Variants in SYK observed in about 807,000 individuals in gnomAD.
The protein encoded by SYK is spleen associated tyrosine kinase.
In SYK, 16 loss-of-function variants were observed where a neutral mutation model predicts 77.8. The ratio of observed to expected loss-of-function variants is 0.21; its 90% confidence interval spans 0.14 to 0.31. SYK has a LOEUF of 0.31. SYK is among the 10% of genes least tolerant of loss of function. The probability of loss-of-function intolerance (pLI) is 1.00; values close to 1 mark genes in which losing one functional copy is unlikely to be tolerated. For missense variants in SYK, 529 were observed against 814.4 expected, an observed-to-expected ratio of 0.65 and a Z score of 4.26; for synonymous variants, 312 against 308.7, an observed-to-expected ratio of 1.01 and a Z score of -0.11.
chr9:90,884,278 C>CACATATAT (rs1409970220), intron 11 of SYK, among the ~76,000 whole-genome samples: 18 of 118,518 alleles, frequency 1.5e-4, no homozygotes, highest in African/African-American at 5.3e-4. Context: ...TGTATATATA[C>CACATATAT]ACACATATAC....
intron 3 of SYK, among the ~76,000 whole-genome samples, chr9:90,855,423 C>G (rs1391039777): frequency 6.6e-6 from 1 of 152,080 alleles, no homozygotes; most frequent in African/African-American, 2.4e-5. Context: ...CAGGCTGGGT[C>G]CCACCCAGGG....
At chr9:90,867,036 A>T (rs1453287825) in intron 6 of SYK, 95 bp from the exon 7 acceptor site, 2 of 1,403,770 alleles carry the variant, frequency 1.4e-6, no homozygotes, top group African/African-American at 2.8e-5. Context: ...TAGTGGTGCG[A>T]TTATAGAAGC....
intron 1 of SYK, among the ~76,000 whole-genome samples, chr9:90,839,307 A>T (rs543907698): frequency 3.0e-4 from 45 of 152,292 alleles, no homozygotes; most frequent in Middle Eastern, 6.8e-3. Flanking sequence ...CACCACCAAC[A>T]TACCCAGGTC....
At chr9:90,827,504 T>C (rs914186900) in intron 1 of SYK, 2 of 152,232 alleles carry the variant, frequency 1.3e-5, no homozygotes, top group African/African-American at 4.8e-5. Flanking sequence ...CAGATTTGTG[T>C]GCTTCTTCCC....
chr9:90,851,166 C>A (rs149137221), intron 3 of SYK, among the ~76,000 whole-genome samples: 1 of 152,286 alleles, frequency 6.6e-6, no homozygotes, highest in East Asian at 1.9e-4. Context: ...GCAGAAACAG[C>A]AGCCAGCAAC....
At chr9:90,875,248 T>C (rs999082400) in intron 9 of SYK, among the ~76,000 whole-genome samples, 1 of 150,334 alleles carries the variant, frequency 6.7e-6, no homozygotes. Flanking sequence ...AAAAAATAAA[T>C]AAATAAATAA....
At chr9:90,862,629 T>C (rs1827322184) in intron 4 of SYK, among the ~76,000 whole-genome samples, 1 of 152,206 alleles carries the variant, frequency 6.6e-6, no homozygotes, top group Admixed American at 6.5e-5. Flanking sequence ...TTCCATGGCT[T>C]GTTCAGGGCC....
chr9:90,807,798 C>G (rs1048529848), intron 1 of SYK, among the ~76,000 whole-genome samples: 15 of 152,212 alleles, frequency 9.9e-5, no homozygotes, highest in Non-Finnish European at 2.2e-4. Flanking sequence ...AAAAGCCCTT[C>G]TTAACCTCCA....
At chr9:90,801,697 G>C (rs1002510149), upstream of SYK, 1 of 152,254 alleles carries the variant, frequency 6.6e-6, no homozygotes, top group African/African-American at 2.4e-5. Context: ...TCATGGGCGC[G>C]GTCAGCAGGG....
At chr9:90,885,517 C>G (rs1235455266) in intron 11 of SYK, among the ~76,000 whole-genome samples, 1 of 152,114 alleles carries the variant, frequency 6.6e-6, no homozygotes, top group African/African-American at 2.4e-5. Context: ...AATGAGCAAA[C>G]CCTTCATGAT....
chr9:90,894,326 C>G (rs754647687), intron 13 of SYK, among the ~76,000 whole-genome samples: 32 of 152,168 alleles, frequency 2.1e-4, no homozygotes, highest in Non-Finnish European at 4.0e-4. Flanking sequence ...GAGACAAAGC[C>G]CCTCTCAGTG....
At chr9:90,830,521 A>G (rs1273374623) in intron 1 of SYK, among the ~76,000 whole-genome samples, 1 of 151,282 alleles carries the variant, frequency 6.6e-6, no homozygotes, top group African/African-American at 2.4e-5. Context: ...TCTGTAATTA[A>G]TCAGCCAGTC....
intron 8 of SYK, 41 bp from the exon 9 acceptor site, chr9:90,874,631 G>T (rs367934241): frequency 1.1e-5 from 17 of 1,576,758 alleles, no homozygotes; most frequent in Admixed American, 3.7e-5. Context: ...TCCTGGTGTG[G>T]GGTCCAGCCC....
At chr9:90,867,533 T>C (rs1317815231) in intron 7 of SYK, among the ~76,000 whole-genome samples, 1 of 152,226 alleles carries the variant, frequency 6.6e-6, no homozygotes, top group African/African-American at 2.4e-5. Context: ...GATGGCCCAC[T>C]TACTTTTTGG....
rs2118628381 is a variant in SYK, at chr9:90,843,923, A to G, written c.25A>G (p.Ser9Gly). The G allele has an allele frequency of 6.4e-7, 1 of 1,550,620 alleles. No individual in the cohort carries two copies. The highest frequency in any genetic ancestry group is 8.7e-7 in the Non-Finnish European group (1 of 1,146,794). MASSGMAD[S>G]ANHLPFFFGN... is the part of the protein sequence containing the mutation. Reference sequence around the variant, plus strand: ...CATGGCCAGCAGCGGCATGGCTGACAGCGCCAACCACCTGCCCTTCTTTTT... The same window carrying G: ...CATGGCCAGCAGCGGCATGGCTGACGGCGCCAACCACCTGCCCTTCTTTTT... Residue 9 changes from serine (S) to glycine (G), a missense_variant, in exon 2 of 14, where the codon AGC becomes GGC. Transcript: ENST00000375754.
intron 11 of SYK, among the ~76,000 whole-genome samples, chr9:90,884,335 A>C (rs1009629002): frequency 6.7e-6 from 1 of 150,278 alleles, no homozygotes; most frequent in African/African-American, 2.4e-5. Flanking sequence ...ATACGTGTAT[A>C]TATACACACA....
chr9:90,888,580 G>T lies in SYK; in HGVS notation c.1788G>T (p.Gly596=). The change falls in exon 13 of 14, where the codon GGG becomes GGT. Residue 596 remains glycine, a synonymous_variant. Transcript: ENST00000375754. ...GAGAGCGGATGGGGTGCCCTGCAGG[G>T]TGTCCAAGAGAGATGTACGATCTCA... The part of the protein sequence containing the change: ...EKGERMGCPA[G]CPREMYDLMN... The T allele has an allele frequency of 6.2e-7, 1 of 1,611,872 alleles. No individual in the cohort carries two copies. The highest frequency in any genetic ancestry group is 1.7e-5 in the Admixed American group (1 of 59,738).
rs376461830 is a variant in SYK at position 90,874,775 on chromosome 9, G to C, written c.1107G>C (p.Leu369=). 1.2e-6 allele frequency: 2 copies of C among 1,614,130 alleles called. No individual in the cohort carries two copies. The highest frequency in any genetic ancestry group is 3.3e-5 in the Admixed American group (2 of 60,012). The change falls in exon 9 of 14, where the codon CTG becomes CTC. Residue 369 remains leucine (L), a synonymous_variant. Transcript: ENST00000375754. ...RPKEVYLDRK[L]LTLEDKELGS... is the part of the protein sequence containing the mutation. ...AGGAGGTTTACCTGGACCGAAAGCT[G>C]CTGACGCTGGAAGACAAAGAACTGG...
intron 1 of SYK, among the ~76,000 whole-genome samples, chr9:90,820,394 G>C (rs1219821673): frequency 1.3e-5 from 2 of 152,226 alleles, no homozygotes; most frequent in Non-Finnish European, 2.9e-5. Context: ...ACTTTTGCCT[G>C]GTCATCCAGG....
Sources: gnomAD v4.1 joint callset for allele counts (sites outside exome capture counted in the v4.1 genomes callset) on GRCh38, gnomAD v4.1.1 for gene constraint, MANE v1.5 for transcripts, NCBI Gene and HGNC (gene_info 2026-07-23, HGNC 2026-07-21) for gene names.